Variants in SKI observed in about 807,000 individuals in gnomAD.
The protein encoded by SKI is ski oncogene.
SKI carries 23 observed loss-of-function variants against 59.3 expected under a neutral mutation model. The ratio of observed to expected loss-of-function variants is 0.39; its 90% CI spans 0.28 to 0.55. The LOEUF (loss-of-function observed/expected upper bound fraction) is 0.55, where lower values mean the gene tolerates loss of function less well. Among genes scored for constraint, SKI ranks in the 20% least tolerant of loss-of-function variants. The pLI is 0.67. For missense variants in SKI, 1,017 were observed against 1,038.9 expected (o/e 0.98, Z 0.29); for synonymous variants, 673 against 488.6 (o/e 1.38, Z -4.98).
chr1:2,287,853 C>T (rs1569823180), intron 1 of SKI, among the ~76,000 whole-genome samples: 1 of 152,362 alleles, frequency 6.6e-6, no homozygotes, highest in East Asian at 1.9e-4. Flanking sequence ...GGACCAGCTT[C>T]CTGCATGGCA....
At chr1:2,250,512 A>C (rs140894148) in intron 1 of SKI, among the ~76,000 whole-genome samples, 1 of 152,232 alleles carries the variant, frequency 6.6e-6, no homozygotes, top group Admixed American at 6.5e-5. Flanking sequence ...TTGCAGGAAG[A>C]ACGTGGTGAG....
At chr1:2,260,830 C>T (rs1440117640) in intron 1 of SKI, among the ~76,000 whole-genome samples, 1 of 152,168 alleles carries the variant, frequency 6.6e-6, no homozygotes, top group Non-Finnish European at 1.5e-5. Context: ...TGAGCCACTA[C>T]GTCCGGCCTC....
chr1:2,302,506 G>C (rs1038115868), intron 1 of SKI, among the ~76,000 whole-genome samples: 1 of 152,116 alleles, frequency 6.6e-6, no homozygotes, highest in Non-Finnish European at 1.5e-5. Context: ...CGCATCCGTC[G>C]TGAGTGGCTC....
chr1:2,279,821 T>G (rs1187896132), intron 1 of SKI, among the ~76,000 whole-genome samples: 1 of 152,186 alleles, frequency 6.6e-6, no homozygotes, highest in Non-Finnish European at 1.5e-5. Flanking sequence ...TCCAAAGCAC[T>G]GGGATTACAG....
At chr1:2,231,239 G>T (rs1638631401) in intron 1 of SKI, among the ~76,000 whole-genome samples, 1 of 152,170 alleles carries the variant, frequency 6.6e-6, no homozygotes, top group East Asian at 1.9e-4. Flanking sequence ...GGGGATTGTG[G>T]GCTCGTGCAG....
intron 1 of SKI, among the ~76,000 whole-genome samples, chr1:2,248,805 C>T (rs1411653918): frequency 2.6e-5 from 4 of 152,186 alleles, no homozygotes; most frequent in Admixed American, 2.0e-4. Flanking sequence ...TTTCTAGGAG[C>T]GTAGAGAGGC....
At chr1:2,230,360 C>T (rs1422495915) in intron 1 of SKI, among the ~76,000 whole-genome samples, 2 of 152,266 alleles carry the variant, frequency 1.3e-5, no homozygotes, top group Admixed American at 6.5e-5. Flanking sequence ...GACTTGGCGG[C>T]TCCAGCACTG....
chr1:2,228,865 C>T lies in SKI; in HGVS notation c.99C>T (p.Gly33=). The stretch of plus-strand genomic sequence containing the variant: ...ACCTGAGCTCCATGAGCTCGCTGGG[C>T]GGCCCGGCCGCTTTCTCGGCGCGCT... The part of the protein sequence containing the change: ...QFHLSSMSSL[G]GPAAFSARWA... The change falls in exon 1 of 7, where the codon GGC becomes GGT. Residue 33 remains glycine (G), a synonymous_variant. Transcript: ENST00000378536. 1 of 1,428,316 alleles carries T rather than the reference C, an allele frequency of 7.0e-7. No individual in the cohort carries two copies. Among genetic ancestry groups the T allele is most frequent in the Non-Finnish European group, 9.2e-7 (1 of 1,087,034 alleles). The allele number at this position is 1,428,316 out of a possible 1,614,324, so 88.5% of individuals were successfully genotyped here. A position where few individuals can be genotyped will look rare whatever the true frequency, so the allele number is the denominator to read the frequency against.
At chr1:2,236,314 G>A (rs781719706) in intron 1 of SKI, among the ~76,000 whole-genome samples, 51 of 152,336 alleles carry the variant, frequency 3.3e-4, no homozygotes, top group African/African-American at 9.1e-4. Flanking sequence ...CTCACTGAAT[G>A]ACTCAGTGGA....
At chr1:2,300,920 G>A (rs1461505817) in intron 1 of SKI, among the ~76,000 whole-genome samples, 2 of 152,178 alleles carry the variant, frequency 1.3e-5, no homozygotes, top group Non-Finnish European at 2.9e-5. Context: ...CCACCTCCAC[G>A]GGGCGGCTGT....
At position 2,306,799 on chromosome 1, in the gene SKI, C is replaced by A. The variant is rs1423585605; in HGVS notation, c.*34C>A. On this transcript the variant is annotated 3_prime_UTR_variant, in exon 7 of 7. Transcript: ENST00000378536. Reference sequence around the variant, plus strand: ...CCTGCCGCCGCAGCGCCGCCGACAACGCGGGTGCAGGGGGGCGCGGCTGGG... The same window carrying A: ...CCTGCCGCCGCAGCGCCGCCGACAAAGCGGGTGCAGGGGGGCGCGGCTGGG... 6.9e-7 allele frequency: 1 copy of A among 1,451,398 alleles called. No individual in the cohort carries two copies. The highest frequency in any genetic ancestry group is 9.1e-7 in the Non-Finnish European group (1 of 1,103,142). 89.9% of individuals were successfully genotyped at this position (1,451,398 alleles called of 1,614,324 possible).
At chr1:2,232,996 T>G (rs1027213709) in intron 1 of SKI, among the ~76,000 whole-genome samples, 1 of 152,334 alleles carries the variant, frequency 6.6e-6, no homozygotes, top group South Asian at 2.1e-4. Flanking sequence ...TCCATTGGAC[T>G]ACATTTTTTT....
In SKI at chr1:2,241,327, C is replaced by T. The variant is rs895168144; in HGVS notation, c.969+11592C>T. On this transcript the variant is annotated intron_variant, in intron 1 of 6. Coordinates refer to ENST00000378536, the MANE Select transcript of SKI (RefSeq NM_003036.4). ...AATGCACCCCATGTATCCCGTTCAC[C>T]AGTTATCCACAGCTCACTCATTTTG... Among the ~76,000 whole-genome samples the T allele has an allele frequency of 3.9e-5, 6 of 152,246 alleles. No individual in the cohort carries two copies. In the East Asian group the frequency reaches 1.2e-3, roughly 29 times the overall value.
intron 1 of SKI, among the ~76,000 whole-genome samples, chr1:2,253,792 G>A (rs1639216947): frequency 6.6e-6 from 1 of 152,188 alleles, no homozygotes; most frequent in Non-Finnish European, 1.5e-5. Context: ...GTTTGGGGGT[G>A]TTGTGCCCCC....
chr1:2,253,316 C>T (rs114462818), intron 1 of SKI, among the ~76,000 whole-genome samples: 5,246 of 152,164 alleles, frequency 0.034, 118 homozygotes, highest in African/African-American at 0.074. Flanking sequence ...CCAGAGCACC[C>T]AGGCCGGTAT....
chr1:2,301,570 C>G (rs1203330845), intron 1 of SKI, among the ~76,000 whole-genome samples: 1 of 151,794 alleles, frequency 6.6e-6, no homozygotes, highest in African/African-American at 2.4e-5. Context: ...CCAGGGCCCT[C>G]CATCCCCATA....
chr1:2,229,847 A>G lies in SKI; in HGVS notation c.969+112A>G, dbSNP rs552260991. On this transcript the variant is annotated intron_variant, in intron 1 of 6. Coordinates refer to ENST00000378536, the MANE Select transcript of SKI (RefSeq NM_003036.4). The surrounding 1 kb of genome is among the most constrained non-coding windows in gnomAD (Gnocchi z 6.3). ...GGGACCTGTGCTTCTGCCGTGCCCCATGTCTCCAGTCTTCGCTTTGTTTTA... is the reference window on the plus strand; with the variant it reads ...GGGACCTGTGCTTCTGCCGTGCCCCGTGTCTCCAGTCTTCGCTTTGTTTTA... The G allele has an allele frequency of 4.6e-6, 7 of 1,519,022 alleles. No homozygotes were observed. The African/African-American group carries it at 5.6e-5, about 12-fold the overall frequency. The allele number at this position is 1,519,022 out of a possible 1,614,324, so 94.1% of individuals were successfully genotyped here.
In SKI at chr1:2,310,114, AGAAAAG is replaced by A. The variant is rs1640714496; in HGVS notation, c.*3350_*3355del. 1 of 151,934 alleles carries A rather than the reference AGAAAAG, an allele frequency of 6.6e-6. No homozygotes were observed. Among genetic ancestry groups the A allele is most frequent in the South Asian group, 2.1e-4 (1 of 4,816 alleles). The allele number at this position is 151,934 out of a possible 1,614,324, so 9.4% of individuals were successfully genotyped here. The stretch of plus-strand genomic sequence containing the variant: ...TTGTTTATAAATGCCTGATTTAAAA[AGAAAAG>A]AGCTTGGCATATTTATCTATTTCGC... On this transcript the variant is annotated 3_prime_UTR_variant, in exon 7 of 7. Coordinates refer to ENST00000378536, the MANE Select transcript of SKI (RefSeq NM_003036.4).
intron 1 of SKI, among the ~76,000 whole-genome samples, chr1:2,272,219 G>A (rs992108662): frequency 1.3e-5 from 2 of 152,216 alleles, no homozygotes; most frequent in Admixed American, 6.5e-5. Context: ...CGGCCTTTCC[G>A]GGGATTAAAA....
Sources: gnomAD v4.1 joint callset for allele counts (sites outside exome capture counted in the v4.1 genomes callset) on GRCh38, gnomAD v4.1.1 for gene constraint, Gnocchi (gnomAD v3.1) non-coding constraint, MANE v1.5 for transcripts, NCBI Gene and HGNC (gene_info 2026-07-23, HGNC 2026-07-21) for gene names.